NOL4L: variants seen among roughly 807,000 people sequenced by gnomAD.
NOL4L encodes nucleolar protein 4 like.
NOL4L carries 7 observed loss-of-function variants against 64.5 expected under a neutral mutation model. The observed-to-expected ratio is 0.11, with a 90% CI of 0.06 to 0.20. The LOEUF (loss-of-function observed/expected upper bound fraction) is 0.20, where lower values mean the gene tolerates loss of function less well. Ranked by LOEUF, NOL4L falls within the 10% of genes least tolerant of loss-of-function variation. NOL4L has a pLI of 1.00. For synonymous variants in NOL4L, 413 were observed against 401.0 expected (o/e 1.03, Z -0.36); for missense variants, 680 against 967.1 (o/e 0.70, Z 3.94).
chr20:32,467,378 G>A (rs1207456386), intron 5 of NOL4L, among the ~76,000 whole-genome samples: 20 of 152,276 alleles, frequency 1.3e-4, no homozygotes, highest in Admixed American at 1.2e-3. Flanking sequence ...CTCAGGACAA[G>A]CTGTGAGTGC....
chr20:32,477,874 G>A (rs1012533676), intron 4 of NOL4L, among the ~76,000 whole-genome samples: 2 of 152,178 alleles, frequency 1.3e-5, no homozygotes, highest in African/African-American at 4.8e-5. Flanking sequence ...CACCTAACCT[G>A]GCATCAAAAT....
chr20:32,542,636 G>A (rs2018674574), intron 1 of NOL4L, among the ~76,000 whole-genome samples: 2 of 151,788 alleles, frequency 1.3e-5, no homozygotes, highest in Non-Finnish European at 2.9e-5. Flanking sequence ...TTACAGGTGT[G>A]AGCCACTGTG....
chr20:32,468,455 C>G (rs1242003490), intron 5 of NOL4L, among the ~76,000 whole-genome samples: 2 of 152,216 alleles, frequency 1.3e-5, no homozygotes, highest in Non-Finnish European at 2.9e-5. Flanking sequence ...GGCCCTTTCT[C>G]TGATTCCCCA....
At chr20:32,467,030 T>C (rs2014614063) in intron 5 of NOL4L, among the ~76,000 whole-genome samples, 2 of 152,018 alleles carry the variant, frequency 1.3e-5, no homozygotes, top group South Asian at 4.1e-4. Context: ...ACAGGGGTAA[T>C]GCGGGTAATG....
intron 1 of NOL4L, among the ~76,000 whole-genome samples, chr20:32,579,312 C>G (rs1368776072): frequency 6.6e-6 from 1 of 152,180 alleles, no homozygotes; most frequent in African/African-American, 2.4e-5. Flanking sequence ...ACACTCACAC[C>G]CACACAGTTG....
intron 4 of NOL4L, among the ~76,000 whole-genome samples, chr20:32,495,724 G>A (rs1181159596): frequency 6.6e-6 from 1 of 152,172 alleles, no homozygotes; most frequent in Non-Finnish European, 1.5e-5. Flanking sequence ...TGGGGAGGCT[G>A]AGGTGGGGGA....
At chr20:32,488,761 TCC>T (rs2016218565) in intron 4 of NOL4L, among the ~76,000 whole-genome samples, 2 of 54,614 alleles carry the variant, frequency 3.7e-5, no homozygotes, top group Non-Finnish European at 6.0e-5. Flanking sequence ...CTTCCTTCCT[TCC>T]TTCCTTCCTT....
At chr20:32,574,323 A>G (rs1535374) in intron 1 of NOL4L, among the ~76,000 whole-genome samples, 40,053 of 152,114 alleles carry the variant, frequency 0.26, 6,684 homozygotes, top group East Asian at 0.76. Context: ...TTTCCCAACA[A>G]CCTGCAGGGG....
intron 4 of NOL4L, among the ~76,000 whole-genome samples, chr20:32,492,965 G>A (rs1275259786): frequency 1.3e-5 from 2 of 152,184 alleles, no homozygotes; most frequent in Non-Finnish European, 1.5e-5. Context: ...GTGGTGCTGC[G>A]CTTCACCGAC....
intron 1 of NOL4L, chr20:32,572,392 G>A (rs1979802934): frequency 6.6e-6 from 1 of 152,196 alleles, no homozygotes; most frequent in South Asian, 2.1e-4. Flanking sequence ...CAGCAGACAC[G>A]GACTGAGGAC....
chr20:32,560,270 C>T (rs1023909841), intron 1 of NOL4L, among the ~76,000 whole-genome samples: 2 of 152,172 alleles, frequency 1.3e-5, no homozygotes, highest in African/African-American at 4.8e-5. Context: ...CACACGTGGA[C>T]ACCACTAATC....
chr20:32,465,070 T>A, intron 5 of NOL4L: 1 of 605,208 alleles, frequency 1.7e-6, no homozygotes, highest in South Asian at 1.9e-5. Context: ...GTGTCCAAGC[T>A]GCAGATGATG....
chr20:32,536,126 G>A, intron 1 of NOL4L: 1 of 985,626 alleles, frequency 1.0e-6, no homozygotes, highest in African/African-American at 1.7e-5. Flanking sequence ...GAACCCAAAT[G>A]ATGCACAAAC....
rs148672179 is a variant in NOL4L at position 32,543,315 on chromosome 20, C to T, written c.322-15402G>A. ...CCAACATGGTGAAACCCCGTGTCTA[C>T]TAAAAATGCAAAAATTAGCTGGGGC... is the stretch of plus-strand genomic sequence containing the variant. On this transcript the variant is annotated intron_variant, in intron 1 of 10. Coordinates refer to ENST00000621426, the MANE Select transcript of NOL4L (RefSeq NM_001256798.2). 2.5e-3 allele frequency among the ~76,000 whole-genome samples: 384 copies of T among 152,238 alleles called. 4 individuals are homozygous for T. Among genetic ancestry groups the T allele is most frequent in the African/African-American group, 8.8e-3 (367 of 41,544 alleles).
chr20:32,455,960 C>T (rs2013459804), intron 6 of NOL4L, among the ~76,000 whole-genome samples, 158 bp downstream of exon 6: 1 of 152,214 alleles, frequency 6.6e-6, no homozygotes, highest in South Asian at 2.1e-4. Context: ...TCCAGAGCTT[C>T]ACCAGGAACC....
chr20:32,482,935 G>A (rs995491483), intron 4 of NOL4L, among the ~76,000 whole-genome samples: 5 of 149,944 alleles, frequency 3.3e-5, no homozygotes, highest in Admixed American at 6.6e-5. Flanking sequence ...TGCCGAGCCC[G>A]CTGCACACCG....
At position 32,488,854 on chromosome 20, in the gene NOL4L, T is replaced by C. The variant is rs948757723; in HGVS notation, c.700-14112A>G. Among the ~76,000 whole-genome samples, 77 of 99,434 alleles carry C rather than the reference T, an allele frequency of 7.7e-4. 2 individuals carry two copies. The highest frequency in any genetic ancestry group is 3.3e-3 in the African/African-American group (50 of 14,944). 65.2% of individuals were successfully genotyped at this position (99,434 alleles called of 152,430 possible). On this transcript the variant is annotated intron_variant, in intron 4 of 10. Transcript: ENST00000621426. ...TTCTTTCTTTCTTTCTTTCTTTCTT[T>C]CTTTCTTTCTTTCTTTCTTTCTTTC...
intron 5 of NOL4L, among the ~76,000 whole-genome samples, chr20:32,457,956 C>T (rs1303758751): frequency 6.6e-6 from 1 of 152,230 alleles, no homozygotes; most frequent in African/African-American, 2.4e-5. Context: ...GTAATGACTG[C>T]AACCAAGGTG....
intron 5 of NOL4L, among the ~76,000 whole-genome samples, chr20:32,461,514 C>T (rs1244085994): frequency 2.7e-5 from 4 of 150,016 alleles, no homozygotes; most frequent in Non-Finnish European, 5.9e-5. Context: ...GCTCCGCCTC[C>T]CGGGTTCATG....
Sources: gnomAD v4.1 joint callset for allele counts (sites outside exome capture counted in the v4.1 genomes callset) on GRCh38, gnomAD v4.1.1 for gene constraint, MANE v1.5 for transcripts, NCBI Gene and HGNC (gene_info 2026-07-23, HGNC 2026-07-21) for gene names.